Variants in MRTFA observed in about 807,000 individuals in gnomAD.
MRTFA encodes the protein myocardin-related transcription factor A.
In MRTFA, 20 loss-of-function variants were observed where a neutral mutation model predicts 83.5. The observed-to-expected ratio is 0.24, with a 90% CI of 0.17 to 0.35. The LOEUF is 0.35. Among genes scored for constraint, MRTFA ranks in the 10% least tolerant of loss-of-function variants. The pLI is 1.00. For synonymous variants in MRTFA, 659 were observed against 541.2 expected (o/e 1.22, Z -3.02); for missense variants, 1,200 against 1,224.7 (o/e 0.98, Z 0.30).
intron 1 of MRTFA, among the ~76,000 whole-genome samples, chr22:40,617,040 T>C (rs963366946): frequency 3.3e-5 from 5 of 151,116 alleles, no homozygotes; most frequent in African/African-American, 1.2e-4. Flanking sequence ...GGGGCATAGG[T>C]TGCAGTGACC....
rs376143517 is a variant in MRTFA at position 40,493,360 on chromosome 22, T to C, written c.242-30074A>G. ...AGAGACACAAAAATGAAAACCTCTA[T>C]GCTGATCAATCTGTTCCACTAGGAA... On this transcript the variant is annotated intron_variant, in intron 3 of 14. Coordinates refer to ENST00000355630, the MANE Select transcript of MRTFA (RefSeq NM_020831.6). 2.0e-5 allele frequency among the ~76,000 whole-genome samples: 3 copies of C among 152,318 alleles called. No individual in the cohort carries two copies. In the East Asian group the frequency reaches 5.8e-4, roughly 29 times the overall value.
intron 3 of MRTFA, among the ~76,000 whole-genome samples, chr22:40,547,088 G>C (rs2055376367): frequency 6.6e-6 from 1 of 152,020 alleles, no homozygotes; most frequent in African/African-American, 2.4e-5. Flanking sequence ...CCAGGAGGCG[G>C]AGCTTGCAGT....
intron 3 of MRTFA, among the ~76,000 whole-genome samples, chr22:40,550,048 C>CAG (rs2055421633): frequency 7.7e-6 from 1 of 130,320 alleles, no homozygotes; most frequent in African/African-American, 2.8e-5. Flanking sequence ...GACTCTGTTG[C>CAG]AAAAAAAAAA....
intron 3 of MRTFA, among the ~76,000 whole-genome samples, chr22:40,513,602 CA>C (rs111580647): frequency 6.2e-3 from 408 of 65,908 alleles, no homozygotes; most frequent in Admixed American, 9.9e-3. Flanking sequence ...GACTCCATCT[CA>C]AAAAAAAAAA....
intron 3 of MRTFA, among the ~76,000 whole-genome samples, chr22:40,479,253 C>T (rs1488515006): frequency 6.6e-6 from 1 of 152,110 alleles, no homozygotes; most frequent in Non-Finnish European, 1.5e-5. Flanking sequence ...AAGATGGCGC[C>T]AGCTAAGGGG....
In MRTFA at chr22:40,419,333, T is replaced by C; in HGVS notation, c.1405A>G (p.Thr469Ala). The stretch of plus-strand genomic sequence containing the variant: ...AGGCGCTCAATCAGCTCAGTTTTGG[T>C]GCCCGAGACAGGCAGTGATCGCAAC... The change falls in exon 12 of 15, where the codon ACC becomes GCC. Residue 469 changes from threonine to alanine, a missense_variant. Coordinates refer to ENST00000355630, the MANE Select transcript of MRTFA (RefSeq NM_020831.6). The C allele has an allele frequency of 6.2e-7, 1 of 1,613,992 alleles. No homozygotes were observed. The highest frequency in any genetic ancestry group is 8.5e-7 in the Non-Finnish European group (1 of 1,179,996).
chr22:40,599,955 G>T (rs1323548138), intron 1 of MRTFA, among the ~76,000 whole-genome samples: 1 of 134,310 alleles, frequency 7.4e-6, no homozygotes, highest in Non-Finnish European at 1.6e-5. Context: ...ATGAAGAGGG[G>T]AAAAAGGAAA....
intron 3 of MRTFA, among the ~76,000 whole-genome samples, chr22:40,481,044 G>A (rs190986517): frequency 3.9e-5 from 6 of 152,200 alleles, no homozygotes; most frequent in Non-Finnish European, 8.8e-5. Context: ...AGGGGTTGAG[G>A]CTGCAGTGAG....
At chr22:40,504,803 C>A (rs760183822) in intron 3 of MRTFA, among the ~76,000 whole-genome samples, 10 of 152,304 alleles carry the variant, frequency 6.6e-5, no homozygotes, top group Non-Finnish European at 8.8e-5. Flanking sequence ...GGAATGAATT[C>A]TCTGGATATA....
intron 1 of MRTFA, among the ~76,000 whole-genome samples, chr22:40,617,790 C>CA (rs1048369322): frequency 8.6e-5 from 13 of 151,318 alleles, no homozygotes; most frequent in Non-Finnish European, 1.6e-4. Context: ...TAATGTCCTA[C>CA]AAAAAATCAA....
At chr22:40,578,346 C>T (rs1015803397) in intron 2 of MRTFA, among the ~76,000 whole-genome samples, 2 of 152,130 alleles carry the variant, frequency 1.3e-5, no homozygotes, top group African/African-American at 4.8e-5. Flanking sequence ...AACTTGAAAA[C>T]TCAATCTAAA....
At chr22:40,477,101 A>C (rs1375502217) in intron 3 of MRTFA, among the ~76,000 whole-genome samples, 1 of 148,346 alleles carries the variant, frequency 6.7e-6, no homozygotes, top group Admixed American at 6.9e-5. Context: ...AGGCCAAGGC[A>C]GGCAGATCAC....
At chr22:40,513,212 C>T (rs528797345) in intron 3 of MRTFA, among the ~76,000 whole-genome samples, 1 of 152,254 alleles carries the variant, frequency 6.6e-6, no homozygotes, top group East Asian at 1.9e-4. Context: ...ATCTTAGAAA[C>T]CTTAGAAGTA....
intron 3 of MRTFA, among the ~76,000 whole-genome samples, chr22:40,540,029 C>T (rs1319452334): frequency 1.3e-5 from 2 of 151,524 alleles, no homozygotes; most frequent in East Asian, 3.9e-4. Context: ...CCCATCTCAG[C>T]CTCCCAAGTA....
intron 14 of MRTFA, among the ~76,000 whole-genome samples, chr22:40,414,532 T>A (rs968116770): frequency 9.9e-5 from 15 of 152,160 alleles, no homozygotes; most frequent in African/African-American, 3.6e-4. Flanking sequence ...CTACAGGGTA[T>A]GATTCAGCCT....
intron 2 of MRTFA, among the ~76,000 whole-genome samples, chr22:40,564,454 C>T (rs1472808391): frequency 6.6e-6 from 1 of 152,062 alleles, no homozygotes; most frequent in Non-Finnish European, 1.5e-5. Flanking sequence ...AATAATATTG[C>T]TTTCAAACCT....
intron 2 of MRTFA, among the ~76,000 whole-genome samples, chr22:40,564,991 C>A (rs1390584097): frequency 6.6e-6 from 1 of 152,022 alleles, no homozygotes; most frequent in African/African-American, 2.4e-5. Flanking sequence ...ATCAGCTGTC[C>A]TCAGATTTAA....
chr22:40,632,554 G>A (rs892074790), intron 1 of MRTFA, among the ~76,000 whole-genome samples: 9 of 152,182 alleles, frequency 5.9e-5, no homozygotes, highest in Non-Finnish European at 1.2e-4. Context: ...TCATGCCTTA[G>A]CCTCCTGAGT....
At chr22:40,600,363 G>T (rs17002034) in intron 1 of MRTFA, among the ~76,000 whole-genome samples, 12,258 of 152,188 alleles carry the variant, frequency 0.081, 730 homozygotes, top group East Asian at 0.25. Flanking sequence ...CCTACAAGAA[G>T]CAATACACTC....
Sources: allele counts gnomAD v4.1 joint callset (sites outside exome capture counted in the v4.1 genomes callset), GRCh38; gene constraint gnomAD v4.1.1; transcripts MANE v1.5; gene names NCBI Gene and HGNC (gene_info 2026-07-23, HGNC 2026-07-21).